PDSS2: variants seen among roughly 807,000 people sequenced by gnomAD.
PDSS2 encodes the protein all trans-polyprenyl-diphosphate synthase PDSS2.
In PDSS2, 31 loss-of-function variants were observed where a neutral mutation model predicts 44.5. The observed-to-expected ratio is 0.70, with a 90% CI of 0.52 to 0.94. The LOEUF is 0.94. Among genes scored for constraint, PDSS2 ranks in the 40% least tolerant of loss-of-function variants. The probability of loss-of-function intolerance (pLI) is 0.00; values close to 1 mark genes in which losing one functional copy is unlikely to be tolerated. For synonymous variants in PDSS2, 157 were observed against 180.3 expected (o/e 0.87, Z 1.03); for missense variants, 452 against 482.2 (o/e 0.94, Z 0.59).
intron 1 of PDSS2, among the ~76,000 whole-genome samples, chr6:107,410,048 A>G (rs1416423723): frequency 1.3e-5 from 2 of 152,166 alleles, no homozygotes; most frequent in Non-Finnish European, 2.9e-5. Flanking sequence ...TTAGAGACAA[A>G]AAAAGCAAAT....
chr6:107,169,750 C>T (rs1479415811), intron 7 of PDSS2, among the ~76,000 whole-genome samples: 4 of 152,168 alleles, frequency 2.6e-5, no homozygotes, highest in African/African-American at 9.7e-5. Flanking sequence ...CCACTCCAGA[C>T]CCTGTTTGCC....
intron 1 of PDSS2, among the ~76,000 whole-genome samples, chr6:107,429,903 T>TATAC (rs1554280476): frequency 6.4e-5 from 1 of 15,722 alleles, no homozygotes; most frequent in South Asian, 3.7e-3. Flanking sequence ...AAAAAAAAAA[T>TATAC]ATATATATAT....
rs75407571 is a variant in PDSS2, at chr6:107,338,724, G to A, written c.297-4392C>T. The stretch of plus-strand genomic sequence containing the variant: ...TCTGAAGAGAGAAACAGTATGTGTG[G>A]AGGTCCGAAGGAAAGAGAGGAGGAC... On this transcript the variant is annotated intron_variant, in intron 1 of 7. Coordinates refer to ENST00000369037, the MANE Select transcript of PDSS2 (RefSeq NM_020381.4). 2.3e-3 allele frequency among the ~76,000 whole-genome samples: 351 copies of A among 152,284 alleles called. 5 individuals carry two copies. Among genetic ancestry groups the A allele is most frequent in the African/African-American group, 8.3e-3 (343 of 41,542 alleles).
intron 3 of PDSS2, among the ~76,000 whole-genome samples, chr6:107,246,906 C>G (rs1027398032): frequency 6.6e-6 from 1 of 151,834 alleles, no homozygotes; most frequent in African/African-American, 2.4e-5. Context: ...TAACCAAATA[C>G]TTAAGAAATA....
At chr6:107,340,774 G>A (rs762201773) in intron 1 of PDSS2, among the ~76,000 whole-genome samples, 7 of 152,188 alleles carry the variant, frequency 4.6e-5, no homozygotes, top group Non-Finnish European at 1.0e-4. Context: ...ATGGAGTCAT[G>A]GGAATAGAAA....
intron 7 of PDSS2, among the ~76,000 whole-genome samples, chr6:107,173,309 C>G (rs904279144): frequency 5.3e-5 from 8 of 150,820 alleles, no homozygotes; most frequent in African/African-American, 2.0e-4. Flanking sequence ...CGCGGTGGCT[C>G]ACAGCTGTAA....
intron 4 of PDSS2, among the ~76,000 whole-genome samples, chr6:107,239,880 G>A (rs1364622324): frequency 6.6e-6 from 1 of 152,026 alleles, no homozygotes; most frequent in Non-Finnish European, 1.5e-5. Flanking sequence ...AACCTCAAGT[G>A]ATCTGCCCAC....
At chr6:107,267,580 TTC>T (rs1371788559) in intron 3 of PDSS2, among the ~76,000 whole-genome samples, 3 of 146,788 alleles carry the variant, frequency 2.0e-5, no homozygotes, top group Admixed American at 6.8e-5. Flanking sequence ...AGACATCAGA[TTC>T]TCTTTCTTTT....
At chr6:107,227,805 G>A (rs149813013) in intron 4 of PDSS2, among the ~76,000 whole-genome samples, 106 of 152,306 alleles carry the variant, frequency 7.0e-4, no homozygotes, top group African/African-American at 2.4e-3. Flanking sequence ...GGATGGCTTC[G>A]AAGGGAAAGA....
At chr6:107,347,253 CTTCTTTT>C (rs1778276993) in intron 1 of PDSS2, among the ~76,000 whole-genome samples, 1 of 125,478 alleles carries the variant, frequency 8.0e-6, no homozygotes, top group Non-Finnish European at 1.6e-5. Context: ...AAAATTATAT[CTTCTTTT>C]TTTTTTTTTT....
intron 1 of PDSS2, among the ~76,000 whole-genome samples, chr6:107,440,561 G>A (rs1364931694): frequency 2.6e-5 from 4 of 152,172 alleles, no homozygotes; most frequent in African/African-American, 4.8e-5. Flanking sequence ...TCCAGCTAAT[G>A]ACCTCTCAAA....
At chr6:107,159,045 C>G (rs554871428) in intron 7 of PDSS2, among the ~76,000 whole-genome samples, 67 of 152,028 alleles carry the variant, frequency 4.4e-4, no homozygotes, top group African/African-American at 5.5e-4. Flanking sequence ...GTTCTCAGTT[C>G]TAAGTGGGGA....
At chr6:107,229,887 G>T in intron 4 of PDSS2, 1 of 199,924 alleles carries the variant, frequency 5.0e-6, no homozygotes, top group Non-Finnish European at 1.1e-5. Flanking sequence ...CAGAAATTCA[G>T]AGAAAATCTA....
At chr6:107,379,940 TTC>T in intron 1 of PDSS2, among the ~76,000 whole-genome samples, 1 of 152,214 alleles carries the variant, frequency 6.6e-6, no homozygotes, top group Non-Finnish European at 1.5e-5. Flanking sequence ...CTGCTATATT[TTC>T]TTTCTCTATT....
chr6:107,250,411 G>A (rs1774777426), intron 3 of PDSS2, among the ~76,000 whole-genome samples: 1 of 152,052 alleles, frequency 6.6e-6, no homozygotes, highest in Admixed American at 6.6e-5. Context: ...TTAAAAAATT[G>A]TTTTCTTCAA....
chr6:107,205,624 G>T (rs1259017858), intron 6 of PDSS2, among the ~76,000 whole-genome samples: 1 of 152,114 alleles, frequency 6.6e-6, no homozygotes, highest in Non-Finnish European at 1.5e-5. Context: ...ATTTAGTATG[G>T]AGAAAATGCT....
chr6:107,235,032 A>T (rs1774178087), intron 4 of PDSS2, among the ~76,000 whole-genome samples: 1 of 152,222 alleles, frequency 6.6e-6, no homozygotes, highest in South Asian at 2.1e-4. Flanking sequence ...TCAGGCAACA[A>T]AAGACAGTGA....
At chr6:107,355,547 A>T (rs1778573097) in intron 1 of PDSS2, among the ~76,000 whole-genome samples, 2 of 152,196 alleles carry the variant, frequency 1.3e-5, no homozygotes, top group African/African-American at 4.8e-5. Flanking sequence ...AAACCTAGAA[A>T]ATAGTCTTTC....
chr6:107,343,530 CT>C (rs774806523), intron 1 of PDSS2, among the ~76,000 whole-genome samples: 3 of 152,122 alleles, frequency 2.0e-5, no homozygotes, highest in Admixed American at 6.6e-5. Flanking sequence ...AGAATCATCA[CT>C]TTTTAAAAGC....
Sources: gnomAD v4.1 joint callset for allele counts (sites outside exome capture counted in the v4.1 genomes callset) on GRCh38, gnomAD v4.1.1 for gene constraint, MANE v1.5 for transcripts, NCBI Gene and HGNC (gene_info 2026-07-23, HGNC 2026-07-21) for gene names.